TMTC2: variants seen among roughly 807,000 people sequenced by gnomAD.
The protein encoded by TMTC2 is protein O-mannosyl-transferase TMTC2.
In TMTC2, 43 loss-of-function variants were observed where a neutral mutation model predicts 82.4. That is an observed-to-expected ratio of 0.52 (90% CI 0.41 to 0.67). The LOEUF (loss-of-function observed/expected upper bound fraction) is 0.67, where lower values mean the gene tolerates loss of function less well. Among genes scored for constraint, TMTC2 ranks in the 30% least tolerant of loss-of-function variants. TMTC2 has a pLI of 0.00. For synonymous variants in TMTC2, 408 were observed against 381.9 expected (o/e 1.07, Z -0.80); for missense variants, 919 against 1,012.4 (o/e 0.91, Z 1.25).
At chr12:82,695,426 A>G (rs1872741103) in intron 1 of TMTC2, among the ~76,000 whole-genome samples, 1 of 152,194 alleles carries the variant, frequency 6.6e-6, no homozygotes, top group Non-Finnish European at 1.5e-5. Context: ...ATCTGTGTTA[A>G]GATCATTGTT....
intron 2 of TMTC2, among the ~76,000 whole-genome samples, chr12:82,892,736 G>A (rs936162599): frequency 6.6e-6 from 1 of 152,084 alleles, no homozygotes; most frequent in African/African-American, 2.4e-5. Flanking sequence ...ACAAGATATT[G>A]TAATAGAATG....
intron 1 of TMTC2, among the ~76,000 whole-genome samples, chr12:82,781,702 GTTTT>G (rs1251785252): frequency 1.6e-5 from 2 of 126,228 alleles, no homozygotes; most frequent in Admixed American, 8.1e-5. Context: ...TATTATTATT[GTTTT>G]TTTTTTTTTT....
chr12:82,928,078 A>C (rs1427407532), intron 3 of TMTC2, among the ~76,000 whole-genome samples: 1 of 152,170 alleles, frequency 6.6e-6, no homozygotes, highest in Non-Finnish European at 1.5e-5. Context: ...TTTATTTGAG[A>C]TATAAGTATC....
intron 11 of TMTC2, among the ~76,000 whole-genome samples, chr12:83,070,798 T>TC (rs1208542061): frequency 2.0e-5 from 3 of 152,178 alleles, no homozygotes; most frequent in Admixed American, 6.5e-5. Context: ...TTTCAACTTT[T>TC]CCCCATTCAG....
chr12:82,900,937 G>A (rs1873972985), intron 3 of TMTC2, among the ~76,000 whole-genome samples: 1 of 82,096 alleles, frequency 1.2e-5, no homozygotes, highest in Non-Finnish European at 2.1e-5. Context: ...ATATATATAG[G>A]AATATATATA....
intron 8 of TMTC2, among the ~76,000 whole-genome samples, chr12:83,024,830 C>A (rs933794881): frequency 5.3e-5 from 8 of 152,132 alleles, no homozygotes; most frequent in African/African-American, 1.9e-4. Context: ...ACTTTGTTCA[C>A]CGCTCTGTAA....
chr12:82,979,879 A>G (rs1018722823), intron 7 of TMTC2, among the ~76,000 whole-genome samples: 2 of 151,704 alleles, frequency 1.3e-5, no homozygotes, highest in Admixed American at 1.3e-4. Context: ...CTAGGATACA[A>G]ATTTGTTTGT....
intron 4 of TMTC2, among the ~76,000 whole-genome samples, chr12:82,931,456 C>A (rs1448677758): frequency 6.6e-6 from 1 of 152,084 alleles, no homozygotes; most frequent in African/African-American, 2.4e-5. Context: ...CTAGCTGGTA[C>A]AACGAGATGT....
chr12:82,898,714 G>C (rs1413208389), intron 3 of TMTC2, among the ~76,000 whole-genome samples: 2 of 152,150 alleles, frequency 1.3e-5, no homozygotes, highest in African/African-American at 4.8e-5. Flanking sequence ...GGCAAATGGT[G>C]GGTGTACCCG....
At chr12:83,118,874 T>A (rs961710427) in intron 11 of TMTC2, among the ~76,000 whole-genome samples, 1 of 152,190 alleles carries the variant, frequency 6.6e-6, no homozygotes. Context: ...TCTTCCTGAT[T>A]TAAGCTAGGA....
intron 8 of TMTC2, among the ~76,000 whole-genome samples, chr12:82,988,373 C>T (rs1879258350): frequency 1.3e-5 from 2 of 152,086 alleles, no homozygotes. Context: ...GCAGCTGACA[C>T]AGAAAAGAGT....
intron 8 of TMTC2, among the ~76,000 whole-genome samples, chr12:83,012,663 G>C (rs2137389225): frequency 6.6e-6 from 1 of 152,236 alleles, no homozygotes; most frequent in South Asian, 2.1e-4. Context: ...ACATAGAAGA[G>C]TATGATCTTC....
At chr12:83,068,705 AT>A (rs929436679) in intron 11 of TMTC2, among the ~76,000 whole-genome samples, 1 of 151,958 alleles carries the variant, frequency 6.6e-6, no homozygotes, top group African/African-American at 2.4e-5. Flanking sequence ...TATTTTGTTT[AT>A]TTTTTTATTT....
At chr12:82,739,115 T>C (rs1427693975) in intron 1 of TMTC2, among the ~76,000 whole-genome samples, 1 of 148,324 alleles carries the variant, frequency 6.7e-6, no homozygotes, top group Non-Finnish European at 1.5e-5. Context: ...GCCACTGCAC[T>C]CTAGCCTGGG....
chr12:82,898,224 C>T (rs1873780684), intron 3 of TMTC2, among the ~76,000 whole-genome samples: 1 of 152,160 alleles, frequency 6.6e-6, no homozygotes, highest in African/African-American at 2.4e-5. Context: ...GTGGCGAGTA[C>T]TTCACAGTTT....
intron 1 of TMTC2, among the ~76,000 whole-genome samples, chr12:82,797,999 G>A (rs529582603): frequency 5.5e-5 from 8 of 146,238 alleles, no homozygotes; most frequent in South Asian, 2.2e-4. Flanking sequence ...GTGCAGTGGC[G>A]CGATCTCGGC....
intron 2 of TMTC2, among the ~76,000 whole-genome samples, chr12:82,895,605 A>C (rs537213155): frequency 6.6e-6 from 1 of 152,300 alleles, no homozygotes; most frequent in African/African-American, 2.4e-5. Flanking sequence ...ATCAAAAAAT[A>C]TATACAAACT....
chr12:82,997,422 A>ATGTG (rs1879713737), intron 8 of TMTC2, among the ~76,000 whole-genome samples: 1 of 112,128 alleles, frequency 8.9e-6, no homozygotes, highest in Non-Finnish European at 1.8e-5. Flanking sequence ...GTATATATAT[A>ATGTG]TATATACACA....
intron 8 of TMTC2, among the ~76,000 whole-genome samples, chr12:83,019,302 T>C (rs1880813550): frequency 6.6e-6 from 1 of 152,182 alleles, no homozygotes; most frequent in Non-Finnish European, 1.5e-5. Flanking sequence ...TGTTGGCAGT[T>C]GTCTGTAATT....
Sources: allele counts gnomAD v4.1 joint callset (sites outside exome capture counted in the v4.1 genomes callset), GRCh38; gene constraint gnomAD v4.1.1; transcripts MANE v1.5; gene names NCBI Gene and HGNC (gene_info 2026-07-23, HGNC 2026-07-21).